The following FKBP6 variants were observed in gnomAD, a reference collection of about 807,000 sequenced individuals.
FKBP6 encodes FKBP prolyl isomerase family member 6 (inactive), also known as inactive peptidyl-prolyl cis-trans isomerase FKBP6.
FKBP6 carries 29 observed loss-of-function variants against 41.7 expected under a neutral mutation model. The observed-to-expected ratio is 0.70, with a 90% CI of 0.52 to 0.95. The LOEUF (loss-of-function observed/expected upper bound fraction) is 0.95, where lower values mean the gene tolerates loss of function less well. FKBP6 is among the 40% of genes least tolerant of loss of function. FKBP6 has a pLI of 0.00. For missense variants in FKBP6, 338 were observed against 408.7 expected (o/e 0.83, Z 1.49); for synonymous variants, 130 against 165.1 (o/e 0.79, Z 1.63).
intron 5 of FKBP6, among the ~76,000 whole-genome samples, chr7:73,332,431 G>T (rs1554547867): frequency 6.6e-6 from 1 of 151,406 alleles, no homozygotes. Context: ...TGAGGTTGCA[G>T]TGAGCCGAGA....
In FKBP6 at chr7:73,334,055, A is replaced by C. The variant is rs896564020; in HGVS notation, c.588+2279A>C. 4.6e-5 allele frequency among the ~76,000 whole-genome samples: 7 copies of C among 152,320 alleles called. No individual in the cohort carries two copies. The East Asian group carries it at 1.2e-3, about 25-fold the overall frequency. ...TAATTGCACTGCAGCCAGGGGAATA[A>C]GAGTGAAACTCCATCTCAAAAAAAA... On this transcript the variant is annotated intron_variant, in intron 5 of 8. Transcript: ENST00000252037.
Position 73,342,813 on chromosome 7 carries a change from C to T in FKBP6, c.900C>T (p.Tyr300=), listed in dbSNP as rs782536346. 1.2e-6 allele frequency: 2 copies of T among 1,611,112 alleles called. No homozygotes were observed. The highest frequency in any genetic ancestry group is 1.3e-5 in the African/African-American group (1 of 75,020). ...NNELKKLASC[Y]RDYVDKEKEM... is the part of the protein sequence containing the mutation. ...TGTGTATTTCCCTCTCCAGCTGTTA[C>T]AGGGACTATGTGGATAAAGAGAAAG... is the stretch of plus-strand genomic sequence containing the variant. The change falls in exon 8 of 9, where the codon TAC becomes TAT. Residue 300 remains tyrosine (Y), a synonymous_variant. Transcript: ENST00000252037.
At chr7:73,340,895 TCA>T in intron 6 of FKBP6, 63 bp downstream of exon 6, 4 of 819,022 alleles carry the variant, frequency 4.9e-6, no homozygotes, top group Non-Finnish European at 8.3e-6. Context: ...AGTGCTCAAC[TCA>T]GCTACTGCAA....
intron 5 of FKBP6, among the ~76,000 whole-genome samples, chr7:73,339,464 G>A (rs145884208): frequency 4.6e-5 from 7 of 152,226 alleles, no homozygotes; most frequent in East Asian, 1.9e-4. Context: ...CTACACTGGC[G>A]TAATTACTGT....
rs1296029929 is a variant in FKBP6 at position 73,354,059 on chromosome 7, T to G, written c.*3-4122T>G. On this transcript the variant is annotated intron_variant, in intron 8 of 8. Coordinates refer to ENST00000252037, the MANE Select transcript of FKBP6 (RefSeq NM_003602.5). ...ACTTTGACCCTTCTTTGACCATGTATCACAGCACAGTGGCAGCTGGTGGTG... is the reference window on the plus strand; with the variant it reads ...ACTTTGACCCTTCTTTGACCATGTAGCACAGCACAGTGGCAGCTGGTGGTG... Among the ~76,000 whole-genome samples, 4 of 152,268 alleles carry G rather than the reference T, an allele frequency of 2.6e-5. No individual in the cohort carries two copies. The East Asian group carries it at 7.7e-4, about 29-fold the overall frequency.
chr7:73,338,882 AAC>A (rs1422289543), intron 5 of FKBP6, among the ~76,000 whole-genome samples: 1 of 152,238 alleles, frequency 6.6e-6, no homozygotes, highest in Non-Finnish European at 1.5e-5. Context: ...ACCCTCAACA[AAC>A]ACAGGATGCG....
intron 8 of FKBP6, among the ~76,000 whole-genome samples, chr7:73,355,001 G>A (rs143347100): frequency 4.6e-5 from 7 of 152,332 alleles, no homozygotes; most frequent in Non-Finnish European, 8.8e-5. Context: ...CCTCCAGCCC[G>A]TGGCTCCGCG....
At chr7:73,348,168 C>T (rs1805386694) in intron 8 of FKBP6, among the ~76,000 whole-genome samples, 1 of 145,610 alleles carries the variant, frequency 6.9e-6, no homozygotes, top group African/African-American at 2.5e-5. Flanking sequence ...TATTCTGTCT[C>T]CTTAAAATCT....
intron 4 of FKBP6, 146 bp from the exon 5 acceptor site, chr7:73,331,511 C>A: frequency 1.3e-6 from 1 of 761,974 alleles, no homozygotes; most frequent in Non-Finnish European, 2.3e-6. Flanking sequence ...TCCTTTCTTT[C>A]AATTACTATT....
chr7:73,343,974 A>G (rs1583815399), intron 8 of FKBP6, among the ~76,000 whole-genome samples: 1 of 152,234 alleles, frequency 6.6e-6, no homozygotes, highest in Admixed American at 6.5e-5. Context: ...AACTGCTGCT[A>G]TCTGCACTTT....
Position 73,358,434 on chromosome 7 carries a change from T to C in FKBP6, c.*256T>C, listed in dbSNP as rs1441894485. The C allele has an allele frequency of 6.6e-6, 1 of 152,552 alleles. No individual in the cohort carries two copies. The highest frequency in any genetic ancestry group is 1.5e-5 in the Non-Finnish European group (1 of 68,004). The allele number at this position is 152,552 out of a possible 1,614,324, so 9.4% of individuals were successfully genotyped here. On this transcript the variant is annotated 3_prime_UTR_variant, in exon 9 of 9. Coordinates refer to ENST00000252037, the MANE Select transcript of FKBP6 (RefSeq NM_003602.5). ...CACTGCTACTTTTTTTAAGGCAGTT[T>C]CTTGTTTTTTTAGACGGAATTAGTC...
intron 5 of FKBP6, among the ~76,000 whole-genome samples, chr7:73,338,175 G>A (rs1554548847): frequency 1.3e-5 from 2 of 152,094 alleles, no homozygotes; most frequent in Non-Finnish European, 2.9e-5. Context: ...ACAGGCACCT[G>A]CCACCACACC....
intron 8 of FKBP6, among the ~76,000 whole-genome samples, chr7:73,352,330 G>A (rs576520106): frequency 6.6e-6 from 1 of 152,186 alleles, no homozygotes; most frequent in Non-Finnish European, 1.5e-5. Context: ...GTCAGATATC[G>A]GCTTAGTCTG....
intron 7 of FKBP6, among the ~76,000 whole-genome samples, chr7:73,341,912 C>A (rs1329249859): frequency 1.3e-5 from 2 of 151,956 alleles, no homozygotes; most frequent in Non-Finnish European, 2.9e-5. Context: ...GTGATCCCCC[C>A]ACCTCGTCCT....
chr7:73,331,439 C>T (rs940879017), intron 4 of FKBP6, among the ~76,000 whole-genome samples: 1 of 152,214 alleles, frequency 6.6e-6, no homozygotes. Context: ...GACTCCAACA[C>T]AGAAGGCTGT....
chr7:73,331,895 G>C, intron 5 of FKBP6, 119 bp downstream of exon 5: 1 of 1,057,510 alleles, frequency 9.5e-7, no homozygotes, highest in Non-Finnish European at 1.4e-6. Context: ...CAAGAGTGTC[G>C]CTCTGTCGCC....
chr7:73,340,883 G>T, intron 6 of FKBP6, 51 bp downstream of exon 6: 1 of 1,165,548 alleles, frequency 8.6e-7, no homozygotes, highest in Non-Finnish European at 1.3e-6. Context: ...AAAGGTAGTA[G>T]CAGTGCTCAA....
intron 4 of FKBP6, 118 bp downstream of exon 4, chr7:73,330,470 G>A (rs576573220): frequency 4.1e-5 from 33 of 801,504 alleles, no homozygotes; most frequent in South Asian, 1.0e-4. Flanking sequence ...GTACCCCCGC[G>A]GCTCCTGTGC....
intron 3 of FKBP6, chr7:73,329,811 A>G: frequency 1.9e-6 from 1 of 522,060 alleles, no homozygotes; most frequent in Non-Finnish European, 3.5e-6. Flanking sequence ...AGTGGAGGAG[A>G]CTGACCTGCA....
Sources: allele counts gnomAD v4.1 joint callset (sites outside exome capture counted in the v4.1 genomes callset), GRCh38; gene constraint gnomAD v4.1.1; transcripts MANE v1.5; gene names NCBI Gene and HGNC (gene_info 2026-07-23, HGNC 2026-07-21).